ZHX2: variants seen among roughly 807,000 people sequenced by gnomAD.
The protein encoded by ZHX2 is zinc fingers and homeoboxes protein 2.
A neutral mutation model predicts 21.9 loss-of-function variants in ZHX2; 6 were observed. The observed-to-expected ratio is 0.27, with a 90% CI of 0.15 to 0.54. The LOEUF is 0.54. Ranked by LOEUF, ZHX2 falls within the 20% of genes least tolerant of loss-of-function variation. The pLI, the probability that ZHX2 is intolerant of heterozygous loss-of-function variation, is 0.95. For missense variants in ZHX2, 908 were observed against 1,090.7 expected (o/e 0.83, Z 2.36); for synonymous variants, 434 against 437.1 (o/e 0.99, Z 0.09).
intron 3 of ZHX2, among the ~76,000 whole-genome samples, chr8:122,963,869 T>C (rs373752914): frequency 1.1e-5 from 1 of 87,776 alleles, no homozygotes; most frequent in African/African-American, 6.8e-5. Flanking sequence ...CTAAGTTGGG[T>C]TTTTTTTGTT....
At chr8:122,910,776 A>T (rs1298753053) in intron 2 of ZHX2, among the ~76,000 whole-genome samples, 3 of 152,122 alleles carry the variant, frequency 2.0e-5, no homozygotes, top group Non-Finnish European at 2.9e-5. Flanking sequence ...AGCCACTGAC[A>T]CTAACCAGGG....
At chr8:122,787,912 G>A (rs1303715993) in intron 1 of ZHX2, among the ~76,000 whole-genome samples, 4 of 152,194 alleles carry the variant, frequency 2.6e-5, no homozygotes, top group Non-Finnish European at 5.9e-5. Context: ...TGCATATGCT[G>A]TGCAGAGGTG....
intron 2 of ZHX2, among the ~76,000 whole-genome samples, chr8:122,923,891 T>TA (rs1439402376): frequency 6.6e-6 from 1 of 152,208 alleles, no homozygotes; most frequent in Non-Finnish European, 1.5e-5. Flanking sequence ...CCTCAGCTTC[T>TA]CAAGTGTAAA....
At chr8:122,898,326 G>A (rs999970234) in intron 2 of ZHX2, among the ~76,000 whole-genome samples, 3 of 152,180 alleles carry the variant, frequency 2.0e-5, no homozygotes, top group Non-Finnish European at 4.4e-5. Flanking sequence ...CGGTGATGAT[G>A]GTGGTAGAGG....
At chr8:122,785,963 G>C (rs1311166782) in intron 1 of ZHX2, among the ~76,000 whole-genome samples, 1 of 152,222 alleles carries the variant, frequency 6.6e-6, no homozygotes, top group Non-Finnish European at 1.5e-5. Flanking sequence ...AGACAAACGA[G>C]CTTAGTTCTT....
At chr8:122,856,277 G>C (rs915011436) in intron 1 of ZHX2, among the ~76,000 whole-genome samples, 8 of 152,040 alleles carry the variant, frequency 5.3e-5, no homozygotes, top group Admixed American at 5.2e-4. Flanking sequence ...ATTGTTCCTC[G>C]GAGTGGAGTT....
At chr8:122,893,657 C>T (rs1266413056) in intron 2 of ZHX2, among the ~76,000 whole-genome samples, 1 of 151,992 alleles carries the variant, frequency 6.6e-6, no homozygotes. Context: ...TCCTTTAGCC[C>T]CAAGATTTCT....
At position 122,929,765 on chromosome 8, in the gene ZHX2, C is replaced by T. The variant is rs150335588; in HGVS notation, c.-219-21527C>T. Among the ~76,000 whole-genome samples the T allele has an allele frequency of 5.0e-3, 757 of 152,240 alleles. 1 individual carries two copies. The highest frequency in any genetic ancestry group is 8.4e-3 in the Non-Finnish European group (573 of 68,010). The stretch of plus-strand genomic sequence containing the variant: ...TTATTTTGTTTCTTGTTCTTATATA[C>T]CCGTAGCTCACACTCAGTCTCAAAA... On this transcript the variant is annotated intron_variant, in intron 2 of 3. Coordinates refer to ENST00000314393, the MANE Select transcript of ZHX2 (RefSeq NM_014943.5).
chr8:122,904,285 GA>G (rs1820297197), intron 2 of ZHX2, among the ~76,000 whole-genome samples: 1 of 152,182 alleles, frequency 6.6e-6, no homozygotes, highest in South Asian at 2.1e-4. Context: ...AAAGGTCACA[GA>G]AAAAACTGTG....
chr8:122,915,322 A>G (rs7463533), intron 2 of ZHX2, among the ~76,000 whole-genome samples: 108,359 of 152,046 alleles, frequency 0.71, 39,198 homozygotes, highest in African/African-American at 0.83. Context: ...GTCATGCTAT[A>G]AGAGTGGATG....
intron 2 of ZHX2, among the ~76,000 whole-genome samples, chr8:122,910,114 C>T (rs1360919773): frequency 6.9e-6 from 1 of 145,188 alleles, no homozygotes; most frequent in East Asian, 2.0e-4. Flanking sequence ...GAATCTCTTC[C>T]TCCGAGAAAT....
chr8:122,894,920 GTGAC>G (rs1474674665), intron 2 of ZHX2, among the ~76,000 whole-genome samples: 1 of 152,104 alleles, frequency 6.6e-6, no homozygotes, highest in East Asian at 1.9e-4. Flanking sequence ...GTCTGGTATA[GTGAC>G]TGACACACAG....
chr8:122,826,279 A>C (rs977943314), intron 1 of ZHX2, among the ~76,000 whole-genome samples: 2 of 152,200 alleles, frequency 1.3e-5, no homozygotes, highest in African/African-American at 4.8e-5. Context: ...GGTTTTTCCC[A>C]AACTACTAGT....
chr8:122,816,687 A>G (rs1195669962), intron 1 of ZHX2, among the ~76,000 whole-genome samples: 1 of 151,992 alleles, frequency 6.6e-6, no homozygotes, highest in East Asian at 1.9e-4. Context: ...TACAAAAGTC[A>G]TATGCAGCCT....
intron 1 of ZHX2, among the ~76,000 whole-genome samples, chr8:122,848,377 C>T (rs771674084): frequency 6.6e-6 from 1 of 152,190 alleles, no homozygotes; most frequent in South Asian, 2.1e-4. Flanking sequence ...TTCTTGCTCT[C>T]CCCCATGGCC....
intron 1 of ZHX2, among the ~76,000 whole-genome samples, chr8:122,786,936 T>G (rs968616283): frequency 6.6e-6 from 1 of 152,154 alleles, no homozygotes; most frequent in African/African-American, 2.4e-5. Flanking sequence ...TATTTCATTT[T>G]GAACTGAAAA....
intron 1 of ZHX2, chr8:122,810,500 G>A (rs914005404): frequency 6.6e-6 from 1 of 152,246 alleles, no homozygotes; most frequent in Admixed American, 6.5e-5. Context: ...TGGAGCAAAT[G>A]CAGCAATTCA....
At chr8:122,912,816 C>T (rs1049928791) in intron 2 of ZHX2, among the ~76,000 whole-genome samples, 4 of 151,912 alleles carry the variant, frequency 2.6e-5, no homozygotes, top group African/African-American at 9.7e-5. Flanking sequence ...GCTGTGGTAA[C>T]CCTAGGAGCA....
At chr8:122,796,711 C>T (rs974631994) in intron 1 of ZHX2, among the ~76,000 whole-genome samples, 2 of 152,132 alleles carry the variant, frequency 1.3e-5, no homozygotes, top group Non-Finnish European at 2.9e-5. Context: ...TGGGAGAGGC[C>T]TTAGTTTAAA....
Sources: gnomAD v4.1 joint callset for allele counts (sites outside exome capture counted in the v4.1 genomes callset) on GRCh38, gnomAD v4.1.1 for gene constraint, MANE v1.5 for transcripts, NCBI Gene and HGNC (gene_info 2026-07-23, HGNC 2026-07-21) for gene names.